The following MCTP1 variants were observed in gnomAD, a reference collection of about 807,000 sequenced individuals.
MCTP1 encodes multiple C2 and transmembrane domain-containing protein 1.
In MCTP1, 69 loss-of-function variants were observed where a neutral mutation model predicts 120.6. That is an observed-to-expected ratio of 0.57 (90% CI 0.47 to 0.70). MCTP1 has a LOEUF of 0.70. MCTP1 is among the 30% of genes least tolerant of loss of function. MCTP1 has a pLI of 0.00. For synonymous variants in MCTP1, 529 were observed against 493.1 expected, an observed-to-expected ratio of 1.07 and a Z score of -0.96; for missense variants, 1,203 against 1,248.8, an observed-to-expected ratio of 0.96 and a Z score of 0.55.
chr5:95,127,423 G>GCAGATT (rs936543881), intron 1 of MCTP1, among the ~76,000 whole-genome samples: 1 of 152,144 alleles, frequency 6.6e-6, no homozygotes, highest in Non-Finnish European at 1.5e-5. Context: ...GATTCTGGGG[G>GCAGATT]CTCCTTAGTC....
intron 17 of MCTP1, among the ~76,000 whole-genome samples, chr5:94,835,943 G>T (rs1159059339): frequency 6.6e-6 from 1 of 152,166 alleles, no homozygotes; most frequent in East Asian, 1.9e-4. Context: ...GGCAGAGATT[G>T]CAGTGAGCTG....
At chr5:94,820,886 G>A (rs1434881382) in intron 17 of MCTP1, among the ~76,000 whole-genome samples, 1 of 152,186 alleles carries the variant, frequency 6.6e-6, no homozygotes, top group Non-Finnish European at 1.5e-5. Context: ...TACCTCAATA[G>A]TTATTGTGTC....
At chr5:95,266,961 C>T (rs1456111916) in intron 1 of MCTP1, among the ~76,000 whole-genome samples, 1 of 152,258 alleles carries the variant, frequency 6.6e-6, no homozygotes, top group East Asian at 1.9e-4. Context: ...CCTCCTATAA[C>T]ATTGTATAAC....
intron 1 of MCTP1, among the ~76,000 whole-genome samples, chr5:95,171,527 CTG>C (rs1383719115): frequency 6.6e-6 from 1 of 152,232 alleles, no homozygotes; most frequent in African/African-American, 2.4e-5. Context: ...GTTCCATTCT[CTG>C]TGTCACTTTC....
intron 18 of MCTP1, among the ~76,000 whole-genome samples, chr5:94,780,273 T>C (rs952837427): frequency 5.9e-5 from 9 of 152,028 alleles, no homozygotes; most frequent in Non-Finnish European, 1.2e-4. Flanking sequence ...GTTTTTGTTT[T>C]TTTTTTGATA....
chr5:95,183,433 G>C (rs532733079), intron 1 of MCTP1, among the ~76,000 whole-genome samples: 1 of 151,454 alleles, frequency 6.6e-6, no homozygotes, highest in Admixed American at 6.6e-5. Context: ...TTATTAATGA[G>C]AACATGAAAG....
intron 1 of MCTP1, among the ~76,000 whole-genome samples, chr5:95,124,902 G>A (rs1758509435): frequency 6.6e-6 from 1 of 152,102 alleles, no homozygotes; most frequent in Non-Finnish European, 1.5e-5. Context: ...TGTTTTGTTA[G>A]AACTGAAAAG....
intron 2 of MCTP1, among the ~76,000 whole-genome samples, chr5:95,002,721 G>A (rs1437302605): frequency 6.6e-6 from 1 of 152,216 alleles, no homozygotes; most frequent in African/African-American, 2.4e-5. Context: ...CTCATAGGCA[G>A]AAGGGACTTG....
chr5:95,124,097 T>G (rs1758443012), intron 1 of MCTP1, among the ~76,000 whole-genome samples: 1 of 152,242 alleles, frequency 6.6e-6, no homozygotes, highest in Admixed American at 6.5e-5. Context: ...ATACCCAACC[T>G]GGAGCCTGAG....
chr5:95,057,680 C>A (rs1208392936), intron 1 of MCTP1, among the ~76,000 whole-genome samples: 3 of 152,172 alleles, frequency 2.0e-5, no homozygotes, highest in African/African-American at 7.2e-5. Context: ...TATAAGCTCA[C>A]CCCCAGCTTT....
chr5:94,712,267 A>C (rs1424894246), intron 20 of MCTP1, among the ~76,000 whole-genome samples: 3 of 152,148 alleles, frequency 2.0e-5, no homozygotes, highest in African/African-American at 7.2e-5. Flanking sequence ...TATTAGAACT[A>C]ATCAACTCAA....
intron 9 of MCTP1, among the ~76,000 whole-genome samples, chr5:94,910,166 A>ATGTATATATACGTATATG (rs1808091118): frequency 6.6e-6 from 1 of 151,600 alleles, no homozygotes; most frequent in Non-Finnish European, 1.5e-5. Flanking sequence ...ATGTATATGC[A>ATGTATATATACGTATATG]TGTATACATA....
At position 95,283,901 on chromosome 5, in the gene MCTP1, C is replaced by T; in HGVS notation, c.675G>A (p.Ala225=). Reference sequence around the variant, plus strand: ...CGCCCGTCTCCGGGGCCCGAGACTCCGCGGGACTCCGCGCCGGCTCTGCGG... The same window carrying T: ...CGCCCGTCTCCGGGGCCCGAGACTCTGCGGGACTCCGCGCCGGCTCTGCGG... The part of the protein sequence containing the change: ...PPPAEPARSP[A]ESRAPETGEE... Residue 225 remains alanine, a synonymous_variant, in exon 1 of 23, where the codon GCG becomes GCA. Transcript: ENST00000515393. 1 of 1,391,482 alleles carries T rather than the reference C, an allele frequency of 7.2e-7. No homozygotes were observed. Among genetic ancestry groups the T allele is most frequent in the Non-Finnish European group, 9.2e-7 (1 of 1,081,896 alleles). 86.2% of individuals were successfully genotyped at this position (1,391,482 alleles called of 1,614,324 possible).
chr5:94,930,147 T>C (rs1222240333), intron 6 of MCTP1, among the ~76,000 whole-genome samples: 1 of 151,870 alleles, frequency 6.6e-6, no homozygotes, highest in Non-Finnish European at 1.5e-5. Context: ...GGATAGATGT[T>C]TATTATTCAC....
At position 94,776,436 on chromosome 5, in the gene MCTP1, A is replaced by G. The variant is rs1580627262; in HGVS notation, c.2610+2674T>C. 3.3e-5 allele frequency among the ~76,000 whole-genome samples: 5 copies of G among 152,212 alleles called. 1 individual carries two copies. The highest frequency in any genetic ancestry group is 3.3e-4 in the Admixed American group (5 of 15,272). Reference sequence around the variant, plus strand: ...GTGCTCTCATTCTGTGCCACGTAATACCCCATTTACCCCCAAGTCCAAAGG... The same window carrying G: ...GTGCTCTCATTCTGTGCCACGTAATGCCCCATTTACCCCCAAGTCCAAAGG... On this transcript the variant is annotated intron_variant, in intron 19 of 22. Transcript: ENST00000515393.
chr5:94,942,434 T>C lies in MCTP1; in HGVS notation c.982-7A>G, dbSNP rs746300286. ...CAAAATCATAGTCAAATACCTGAGATGCCAAAGAGAAAAAGCCTTGTTATA... is the reference window on the plus strand; with the variant it reads ...CAAAATCATAGTCAAATACCTGAGACGCCAAAGAGAAAAAGCCTTGTTATA... On this transcript the variant is annotated splice_region_variant and splice_polypyrimidine_tract_variant and intron_variant, in intron 3 of 22. Transcript: ENST00000515393. 11 of 1,596,216 alleles carry C rather than the reference T, an allele frequency of 6.9e-6. No homozygotes were observed. Among genetic ancestry groups the C allele is most frequent in the Non-Finnish European group, 9.4e-6 (11 of 1,165,502 alleles).
At chr5:95,027,311 T>C (rs975643102) in intron 1 of MCTP1, among the ~76,000 whole-genome samples, 3 of 152,236 alleles carry the variant, frequency 2.0e-5, no homozygotes, top group Admixed American at 6.5e-5. Flanking sequence ...CCCTTGCTCA[T>C]AGCTGATTAG....
intron 1 of MCTP1, among the ~76,000 whole-genome samples, chr5:95,212,566 A>G (rs1210190400): frequency 6.6e-6 from 1 of 152,146 alleles, no homozygotes; most frequent in Admixed American, 6.6e-5. Context: ...ACCAAAAAAG[A>G]GAATTTTAGA....
At chr5:94,836,829 G>A (rs1489725623) in intron 17 of MCTP1, among the ~76,000 whole-genome samples, 2 of 152,200 alleles carry the variant, frequency 1.3e-5, no homozygotes, top group Non-Finnish European at 2.9e-5. Context: ...TAAAAATCAT[G>A]GACTTAAAAA....
Sources: gnomAD v4.1 joint callset for allele counts (sites outside exome capture counted in the v4.1 genomes callset) on GRCh38, gnomAD v4.1.1 for gene constraint, MANE v1.5 for transcripts, NCBI Gene and HGNC (gene_info 2026-07-23, HGNC 2026-07-21) for gene names.